The following NUP210L variants were observed in gnomAD, a reference collection of about 807,000 sequenced individuals.
NUP210L encodes nucleoporin 210 like, also known as nuclear pore membrane glycoprotein 210-like.
In NUP210L, 74 loss-of-function variants were observed where a neutral mutation model predicts 208.5. The ratio of observed to expected loss-of-function variants is 0.35; its 90% CI spans 0.29 to 0.43. The LOEUF (loss-of-function observed/expected upper bound fraction) is 0.43. Among genes scored for constraint, NUP210L ranks in the 20% least tolerant of loss-of-function variants. NUP210L has a pLI of 1.00. For missense variants in NUP210L, 1,843 were observed against 2,289.4 expected (o/e 0.81, Z 3.98); for synonymous variants, 780 against 816.9 (o/e 0.95, Z 0.77).
intron 7 of NUP210L, among the ~76,000 whole-genome samples, 157 bp from the exon 8 acceptor site, chr1:154,129,502 A>T (rs1239975803): frequency 6.6e-6 from 1 of 152,228 alleles, no homozygotes; most frequent in African/African-American, 2.4e-5. Flanking sequence ...AAATGTGTAT[A>T]CTTCTGCAAA....
chr1:154,055,140 T>C (rs912504464), intron 23 of NUP210L, among the ~76,000 whole-genome samples: 4 of 94,062 alleles, frequency 4.3e-5, no homozygotes, highest in African/African-American at 9.8e-5. Flanking sequence ...TCTTTCTTTC[T>C]TTCTTTCTTT....
chr1:154,103,671 C>CAAAAAAA (rs553564283), intron 13 of NUP210L, among the ~76,000 whole-genome samples: 1 of 37,792 alleles, frequency 2.6e-5, no homozygotes, highest in African/African-American at 1.0e-4. Flanking sequence ...GACTCCGTCT[C>CAAAAAAA]AAAAAAAAAA....
intron 12 of NUP210L, among the ~76,000 whole-genome samples, chr1:154,111,357 T>A (rs1213987406): frequency 1.3e-5 from 2 of 151,326 alleles, no homozygotes; most frequent in Non-Finnish European, 2.9e-5. Context: ...CACTCCAGCC[T>A]GGGCGACAGA....
At chr1:154,118,649 G>A (rs1657452892) in intron 11 of NUP210L, 22 bp downstream of exon 11, 1 of 1,408,008 alleles carries the variant, frequency 7.1e-7, no homozygotes, top group Non-Finnish European at 9.4e-7. Flanking sequence ...ATCTCCTTGT[G>A]AAGCCTTATA....
intron 12 of NUP210L, among the ~76,000 whole-genome samples, chr1:154,111,376 C>T (rs1187021824): frequency 1.3e-5 from 2 of 151,102 alleles, no homozygotes; most frequent in African/African-American, 4.9e-5. Context: ...GAGTGAGATT[C>T]AGTCTCAAAA....
intron 12 of NUP210L, among the ~76,000 whole-genome samples, chr1:154,108,532 G>A (rs781223875): frequency 1.3e-5 from 2 of 149,758 alleles, no homozygotes; most frequent in East Asian, 1.9e-4. Context: ...GTGTTAAGAC[G>A]TCATCAGTTT....
At chr1:154,045,506 G>A (rs1653125042) in intron 27 of NUP210L, among the ~76,000 whole-genome samples, 1 of 152,066 alleles carries the variant, frequency 6.6e-6, no homozygotes, top group African/African-American at 2.4e-5. Context: ...TTAAAAGAAA[G>A]ATCACTTTTG....
chr1:154,018,587 AATC>A (rs1651392805), intron 33 of NUP210L, among the ~76,000 whole-genome samples: 2 of 152,148 alleles, frequency 1.3e-5, no homozygotes, highest in African/African-American at 4.8e-5. Context: ...ATATACCTAG[AATC>A]TGATCAACTT....
chr1:154,033,019 AAAAG>A (rs917550453), intron 27 of NUP210L, among the ~76,000 whole-genome samples: 8 of 152,104 alleles, frequency 5.3e-5, no homozygotes, highest in Non-Finnish European at 1.0e-4. Context: ...GAAAGAAAGA[AAAAG>A]AAGGAAGGAA....
chr1:154,033,833 C>G (rs1397764488), intron 27 of NUP210L, among the ~76,000 whole-genome samples: 1 of 152,106 alleles, frequency 6.6e-6, no homozygotes, highest in African/African-American at 2.4e-5. Context: ...GTAGATTACT[C>G]TGAGTAGTAT....
intron 25 of NUP210L, among the ~76,000 whole-genome samples, chr1:154,047,553 C>T (rs571050913): frequency 1.3e-5 from 2 of 152,344 alleles, no homozygotes; most frequent in South Asian, 4.1e-4. Flanking sequence ...TCCTAAGCCA[C>T]AAACAATAGC....
At chr1:154,003,184 A>G (rs1203099245) in intron 35 of NUP210L, among the ~76,000 whole-genome samples, 1 of 147,132 alleles carries the variant, frequency 6.8e-6, no homozygotes, top group East Asian at 2.0e-4. Flanking sequence ...CTAATTTTTA[A>G]TTTTTATTTA....
chr1:154,123,232 G>A (rs1176804318), intron 10 of NUP210L, among the ~76,000 whole-genome samples: 1 of 151,990 alleles, frequency 6.6e-6, no homozygotes, highest in Non-Finnish European at 1.5e-5. Flanking sequence ...TGCAACCTCC[G>A]CCTCCCAGGT....
chr1:154,019,225 G>A (rs925847652), intron 32 of NUP210L, among the ~76,000 whole-genome samples, 156 bp from the exon 33 acceptor site: 1 of 152,150 alleles, frequency 6.6e-6, no homozygotes, highest in African/African-American at 2.4e-5. Flanking sequence ...TCAGTGTCAG[G>A]TTCCTCTTCG....
intron 12 of NUP210L, among the ~76,000 whole-genome samples, chr1:154,116,331 G>A (rs1657331481): frequency 6.6e-6 from 1 of 151,790 alleles, no homozygotes; most frequent in South Asian, 2.1e-4. Flanking sequence ...GGCTGAGGCA[G>A]GAGAATTGCT....
intron 16 of NUP210L, among the ~76,000 whole-genome samples, chr1:154,073,723 G>A (rs1254521462): frequency 1.3e-5 from 2 of 151,688 alleles, no homozygotes; most frequent in African/African-American, 4.9e-5. Flanking sequence ...GCTGAGGCAC[G>A]AGAATCGCTT....
chr1:154,155,006 G>A lies in NUP210L; in HGVS notation c.39C>T (p.Phe13=), dbSNP rs112790774. The A allele has an allele frequency of 2.8e-4, 452 of 1,613,030 alleles. 1 individual carries two copies. The African/African-American group carries it at 4.9e-3, about 17-fold the overall frequency. ...GTAGACGCAAGAAGAAAAAGAGCCC[G>A]AAGCCTCGGCGTCTTGATGACGCCG... is the stretch of plus-strand genomic sequence containing the variant. The change falls in exon 1 of 40, where the codon TTC becomes TTT. Residue 13 remains phenylalanine (F), a synonymous_variant. Transcript: ENST00000368559.
chr1:154,089,664 G>A (rs1191894520), intron 15 of NUP210L, 70 bp from the exon 16 acceptor site: 79 of 1,282,684 alleles, frequency 6.2e-5, no homozygotes, highest in Non-Finnish European at 7.8e-5. Flanking sequence ...CAATATAAAT[G>A]TGTTAGAATT....
chr1:154,056,398 C>A (rs1239333026), intron 23 of NUP210L, among the ~76,000 whole-genome samples: 2 of 152,062 alleles, frequency 1.3e-5, no homozygotes, highest in African/African-American at 2.4e-5. Flanking sequence ...GAGTTAGACA[C>A]CATCCTTTTT....
Sources: allele counts gnomAD v4.1 joint callset (sites outside exome capture counted in the v4.1 genomes callset), GRCh38; gene constraint gnomAD v4.1.1; transcripts MANE v1.5; gene names NCBI Gene and HGNC (gene_info 2026-07-23, HGNC 2026-07-21).